Variants in FA2H observed in about 807,000 individuals in gnomAD.
FA2H encodes fatty acid alpha-hydroxylase.
A neutral mutation model predicts 44.9 loss-of-function variants in FA2H; 22 were observed. That is an observed-to-expected ratio of 0.49 (90% confidence interval 0.35 to 0.70). FA2H has a LOEUF of 0.70. Among genes scored for constraint, FA2H ranks in the 30% least tolerant of loss-of-function variants. The pLI is 0.01. For missense variants in FA2H, 501 were observed against 504.9 expected (o/e 0.99, Z 0.07); for synonymous variants, 243 against 213.2 (o/e 1.14, Z -1.22).
At chr16:74,753,796 G>A (rs1180006835) in intron 1 of FA2H, among the ~76,000 whole-genome samples, 1 of 152,166 alleles carries the variant, frequency 6.6e-6, no homozygotes, top group East Asian at 1.9e-4. Flanking sequence ...AAACTTCATG[G>A]TGCTCCGGAG....
intron 1 of FA2H, among the ~76,000 whole-genome samples, chr16:74,762,260 G>A (rs1390916986): frequency 6.6e-6 from 1 of 152,162 alleles, no homozygotes; most frequent in Non-Finnish European, 1.5e-5. Flanking sequence ...AGCCAGGGTG[G>A]TCTCGATTTC....
In FA2H at chr16:74,774,573, G is replaced by A. The variant is rs1348750450; in HGVS notation, c.183C>T (p.Asp61=). The change falls in exon 1 of 7, where the codon GAC becomes GAT. Residue 61 remains aspartate, a synonymous_variant. Coordinates refer to ENST00000219368, the MANE Select transcript of FA2H (RefSeq NM_024306.5). The part of the protein sequence containing the change: ...RARAGQDISA[D]LDGPPHRHSA... ...AGTGCCTGTGCGGCGGCCCGTCCAGGTCGGCGCTGATGTCCTGGCCCGCCC... is the reference window on the plus strand; with the variant it reads ...AGTGCCTGTGCGGCGGCCCGTCCAGATCGGCGCTGATGTCCTGGCCCGCCC... The A allele has an allele frequency of 1.3e-6, 2 of 1,540,954 alleles. No homozygotes were observed. Among genetic ancestry groups the A allele is most frequent in the East Asian group, 2.5e-5 (1 of 39,332 alleles).
chr16:74,714,834 A>AT (rs528963288), intron 6 of FA2H, among the ~76,000 whole-genome samples: 832 of 137,896 alleles, frequency 6.0e-3, no homozygotes, highest in Non-Finnish European at 7.8e-3. Context: ...AGTTACTGGA[A>AT]TTTTTTTTTT....
chr16:74,752,374 C>T (rs1255748454), intron 1 of FA2H, among the ~76,000 whole-genome samples: 1 of 152,138 alleles, frequency 6.6e-6, no homozygotes, highest in Non-Finnish European at 1.5e-5. Context: ...ATGAGCCCCA[C>T]CAAGTAGGGC....
intron 1 of FA2H, among the ~76,000 whole-genome samples, chr16:74,759,864 G>A (rs1962674783): frequency 6.6e-6 from 1 of 152,162 alleles, no homozygotes; most frequent in South Asian, 2.1e-4. Flanking sequence ...TTCCTCTCCT[G>A]GTGTCTGCTG....
chr16:74,762,838 A>T (rs6564169), intron 1 of FA2H, among the ~76,000 whole-genome samples: 111,144 of 152,114 alleles, frequency 0.73, 40,981 homozygotes, highest in Middle Eastern at 0.81. Context: ...TAGAGTAGAA[A>T]AACTTAAAAA....
At position 74,714,932 on chromosome 16, in the gene FA2H, G is replaced by A. The variant is rs556122427; in HGVS notation, c.1040-663C>T. ...GCTCACTGCAAGCTCCGCCTCCTGG[G>A]TCCAAGAGATTCTCCTTCCTCAGCC... On this transcript the variant is annotated intron_variant, in intron 6 of 6. Coordinates refer to ENST00000219368, the MANE Select transcript of FA2H (RefSeq NM_024306.5). 5.3e-5 allele frequency among the ~76,000 whole-genome samples: 8 copies of A among 151,300 alleles called. No individual in the cohort carries two copies. The South Asian group carries it at 1.7e-3, about 32-fold the overall frequency.
chr16:74,738,428 G>A (rs370576821), intron 2 of FA2H, among the ~76,000 whole-genome samples: 1 of 152,156 alleles, frequency 6.6e-6, no homozygotes, highest in African/African-American at 2.4e-5. Context: ...ACCACAGCTC[G>A]GGGAGACTGG....
At chr16:74,739,390 G>A (rs760372238) in intron 2 of FA2H, among the ~76,000 whole-genome samples, 12 of 152,068 alleles carry the variant, frequency 7.9e-5, no homozygotes, top group Non-Finnish European at 1.6e-4. Flanking sequence ...TCCAGGCAAA[G>A]CTGCTTCTCC....
At chr16:74,732,544 C>T (rs1962094683) in intron 2 of FA2H, among the ~76,000 whole-genome samples, 3 of 151,844 alleles carry the variant, frequency 2.0e-5, no homozygotes, top group African/African-American at 4.8e-5. Flanking sequence ...TGAAGTGATT[C>T]TCCTGCCTCA....
Position 74,751,956 on chromosome 16 carries a change from A to G in FA2H, c.271-11841T>C, listed in dbSNP as rs1175295783. Among the ~76,000 whole-genome samples the G allele has an allele frequency of 3.9e-5, 6 of 152,148 alleles. 1 individual carries two copies. Among genetic ancestry groups the G allele is most frequent in the Non-Finnish European group, 7.3e-5 (5 of 68,042 alleles). On this transcript the variant is annotated intron_variant, in intron 1 of 6. Coordinates refer to ENST00000219368, the MANE Select transcript of FA2H (RefSeq NM_024306.5). ...GGCCCCGGTGAGCTTTGATAGTCCT[A>G]TCCCAAACATGGACACCCACCCCAG...
rs1961627886 is a variant in FA2H, at chr16:74,713,727, G to C, written c.*463C>G. ...CCTCAGAGCCACCAAAGCCTCCCCA[G>C]AAGGGACAGCAGGGAGGACAGGGAC... On this transcript the variant is annotated 3_prime_UTR_variant, in exon 7 of 7. Transcript: ENST00000219368. The C allele has an allele frequency of 5.9e-6, 1 of 168,624 alleles. No homozygotes were observed. The highest frequency in any genetic ancestry group is 1.3e-5 in the Non-Finnish European group (1 of 77,086). 10.4% of individuals were successfully genotyped at this position (168,624 alleles called of 1,614,324 possible).
chr16:74,732,665 C>G (rs1962097026), intron 2 of FA2H, among the ~76,000 whole-genome samples: 1 of 151,966 alleles, frequency 6.6e-6, no homozygotes, highest in Admixed American at 6.6e-5. Context: ...TCTTGAACTC[C>G]TGGCTTCAGG....
intron 2 of FA2H, 39 bp downstream of exon 2, chr16:74,739,983 AG>A: frequency 4.1e-6 from 6 of 1,458,062 alleles, no homozygotes; most frequent in Non-Finnish European, 4.8e-6. Context: ...CATTCCCGCC[AG>A]CCCCCAGTCA....
At chr16:74,768,361 C>A (rs1171166554) in intron 1 of FA2H, among the ~76,000 whole-genome samples, 1 of 152,196 alleles carries the variant, frequency 6.6e-6, no homozygotes, top group Non-Finnish European at 1.5e-5. Flanking sequence ...CATGGAACTG[C>A]AGTGACCTGG....
At chr16:74,733,812 G>A (rs111551699) in intron 2 of FA2H, among the ~76,000 whole-genome samples, 3 of 152,310 alleles carry the variant, frequency 2.0e-5, no homozygotes, top group African/African-American at 7.2e-5. Flanking sequence ...TGCTGACACT[G>A]AGCAGCTGCC....
chr16:74,756,524 G>C (rs1962615772), intron 1 of FA2H, among the ~76,000 whole-genome samples: 1 of 152,124 alleles, frequency 6.6e-6, no homozygotes. Context: ...GCCAAGGCTG[G>C]TGACAGGCTC....
intron 1 of FA2H, among the ~76,000 whole-genome samples, chr16:74,746,114 C>T (rs1231779129): frequency 2.6e-5 from 4 of 151,750 alleles, no homozygotes; most frequent in South Asian, 2.1e-4. Flanking sequence ...ACTGCATCTT[C>T]GTATCAAGGA....
At chr16:74,767,911 G>T (rs554534234) in intron 1 of FA2H, among the ~76,000 whole-genome samples, 1 of 152,294 alleles carries the variant, frequency 6.6e-6, no homozygotes, top group Non-Finnish European at 1.5e-5. Flanking sequence ...GTGATCAATG[G>T]TGTCACCAGT....
Sources: gnomAD v4.1 joint callset for allele counts (sites outside exome capture counted in the v4.1 genomes callset) on GRCh38, gnomAD v4.1.1 for gene constraint, MANE v1.5 for transcripts, NCBI Gene and HGNC (gene_info 2026-07-23, HGNC 2026-07-21) for gene names.